Variants in MYL5 observed in about 807,000 individuals in gnomAD.
MYL5 encodes the protein myosin regulatory light chain 5.
A neutral mutation model predicts 20.8 loss-of-function variants in MYL5; 28 were observed. That is an observed-to-expected ratio of 1.35 (90% CI 1.00 to 1.84). The LOEUF (loss-of-function observed/expected upper bound fraction) is 1.84, where lower values mean the gene tolerates loss of function less well. MYL5 is among the 40% of genes most tolerant of loss of function. The pLI, the probability that MYL5 is intolerant of heterozygous loss-of-function variation, is 0.00. For missense variants in MYL5, 274 were observed against 227.3 expected, an observed-to-expected ratio of 1.21 and a Z score of -1.32; for synonymous variants, 118 against 87.4, an observed-to-expected ratio of 1.35 and a Z score of -1.95.
At chr4:675,495 G>A (rs1738768714), upstream of MYL5, 1 of 152,398 alleles carries the variant, frequency 6.6e-6, no homozygotes, top group Non-Finnish European at 1.5e-5. Flanking sequence ...GCAAGCATGG[G>A]GAGGACCCGT....
chr4:679,973 A>G (rs1451332319), exon 4 of MYL5: 4 of 1,613,650 alleles, frequency 2.5e-6, no homozygotes, highest in Non-Finnish European at 3.4e-6. Flanking sequence ...CTCGGGGCCC[A>G]TCAACTTCAC....
rs1244363910 is a variant in MYL5 at position 680,506 on chromosome 4, C to G, written c.293-3C>G. On this transcript the variant is annotated splice_region_variant and splice_polypyrimidine_tract_variant and intron_variant, in intron 4 of 6. Transcript: ENST00000400159. ...CCCTGGGCTGAAGGTGCCTTTGTGGCAGGTACCGACGCCGAGGAGACCATT... is the reference window on the plus strand; with the variant it reads ...CCCTGGGCTGAAGGTGCCTTTGTGGGAGGTACCGACGCCGAGGAGACCATT... 1.2e-6 allele frequency: 2 copies of G among 1,613,254 alleles called. No individual in the cohort carries two copies. The highest frequency in any genetic ancestry group is 1.7e-6 in the Non-Finnish European group (2 of 1,179,862).
upstream of MYL5, chr4:676,443 C>T (rs187620763): frequency 6.6e-6 from 1 of 152,390 alleles, no homozygotes; most frequent in Admixed American, 6.5e-5. Context: ...TGCCTTTGCT[C>T]AAGGCCTTTC....
chr4:679,081 C>CA (rs1560153498), intron 3 of MYL5, 48 bp downstream of exon 5: 2 of 1,478,172 alleles, frequency 1.4e-6, no homozygotes, highest in Non-Finnish European at 1.8e-6. Context: ...GAGGCGAACA[C>CA]AGAGGTCCTC....
At chr4:677,181 G>C (rs1385431029), upstream of MYL5, among the ~76,000 whole-genome samples, 1 of 152,190 alleles carries the variant, frequency 6.6e-6, no homozygotes, top group Non-Finnish European at 1.5e-5. Flanking sequence ...CCAAAAGCTT[G>C]TTCTCCACTC....
upstream of MYL5, among the ~76,000 whole-genome samples, chr4:677,522 GGACT>G (rs1386178568): frequency 6.6e-6 from 1 of 152,216 alleles, no homozygotes; most frequent in Non-Finnish European, 1.5e-5. Context: ...CCAAGGCTAT[GGACT>G]GACTTCTGTC....
chr4:681,012 C>T (rs1739423133), intron 5 of MYL5, 80 bp from the exon 8 acceptor site: 2 of 1,491,682 alleles, frequency 1.3e-6, no homozygotes, highest in Non-Finnish European at 1.8e-6. Flanking sequence ...CAACCTGGGG[C>T]CCCTGGAGCA....
At chr4:682,002 C>T (rs143423821) in exon 7 of MYL5, 11 of 1,420,582 alleles carry the variant, frequency 7.7e-6, no homozygotes, top group South Asian at 1.5e-5. Flanking sequence ...TGAGACCCAG[C>T]CGGGTCAATA....
chr4:678,137 A>C, intron 1 of MYL5, 108 bp downstream of exon 3: 1 of 1,559,926 alleles, frequency 6.4e-7, no homozygotes, highest in Non-Finnish European at 8.7e-7. Flanking sequence ...TTGCGTGTGA[A>C]TGCAGGTGTG....
chr4:678,558 G>A, intron 1 of MYL5, 100 bp from the exon 4 acceptor site: 2 of 1,499,580 alleles, frequency 1.3e-6, no homozygotes, highest in Non-Finnish European at 8.9e-7. Context: ...GAAGGGCTGA[G>A]GTCCACCCTT....
chr4:681,820 C>G, intron 6 of MYL5, 73 bp from the exon 9 acceptor site: 1 of 1,265,072 alleles, frequency 7.9e-7, no homozygotes, highest in Non-Finnish European at 1.0e-6. Flanking sequence ...AAACCACACC[C>G]GGGGCCGCTG....
At chr4:679,173 G>T in intron 3 of MYL5, 140 bp downstream of exon 5, 1 of 855,184 alleles carries the variant, frequency 1.2e-6, no homozygotes, top group Non-Finnish European at 1.9e-6. Context: ...GAAGCTGCAA[G>T]GTGATGGCCC....
upstream of MYL5, chr4:676,882 A>G (rs117211311): frequency 1.3e-4 from 128 of 985,280 alleles, 1 homozygote; most frequent in East Asian, 9.3e-3. Context: ...CCTCAACCTC[A>G]GGAGTCAGTG....
upstream of MYL5, chr4:677,031 C>A: frequency 1.6e-6 from 1 of 623,222 alleles, no homozygotes; most frequent in Non-Finnish European, 2.0e-6. Flanking sequence ...GCCTTGCAGA[C>A]ACGGTGGCGC....
upstream of MYL5, chr4:674,677 G>A (rs1577322850): frequency 4.1e-6 from 1 of 243,682 alleles, no homozygotes. Context: ...AGCGTCGGAG[G>A]CCTGAGGTCA....
At chr4:680,396 A>G in intron 4 of MYL5, 113 bp from the exon 7 acceptor site, 1 of 1,113,690 alleles carries the variant, frequency 9.0e-7, no homozygotes, top group Admixed American at 2.2e-5. Flanking sequence ...TTGTGGGCAG[A>G]GGCTTGGAGT....
chr4:680,432 C>G (rs549387461), intron 4 of MYL5, 77 bp from the exon 7 acceptor site: 2 of 1,431,514 alleles, frequency 1.4e-6, no homozygotes, highest in African/African-American at 2.8e-5. Flanking sequence ...GCAGGGGTCT[C>G]CCCTCCTGCC....
At chr4:682,021 C>G (rs776474640) in exon 7 of MYL5, 3 of 1,429,696 alleles carry the variant, frequency 2.1e-6, no homozygotes, top group Admixed American at 5.1e-5. Context: ...TAAACCTGGA[C>G]GCTTGGACCC....
intron 6 of MYL5, 152 bp downstream of exon 8, chr4:681,292 T>G: frequency 1.1e-6 from 1 of 892,892 alleles, no homozygotes; most frequent in South Asian, 1.6e-5. Flanking sequence ...AGTGCCCGTC[T>G]GAGGGACGGA....
Sources: allele counts gnomAD v4.1 joint callset (sites outside exome capture counted in the v4.1 genomes callset), GRCh38; gene constraint gnomAD v4.1.1; transcripts MANE v1.5; gene names NCBI Gene and HGNC (gene_info 2026-07-23, HGNC 2026-07-21).